Variants in AP3D1 observed in about 807,000 individuals in gnomAD.
AP3D1 encodes AP-3 complex subunit delta-1.
A neutral mutation model predicts 147.6 loss-of-function variants in AP3D1; 51 were observed. The observed-to-expected ratio is 0.35, with a 90% CI of 0.28 to 0.44. The LOEUF (loss-of-function observed/expected upper bound fraction) is 0.44, where lower values mean the gene tolerates loss of function less well. AP3D1 is among the 20% of genes least tolerant of loss of function. The pLI, the probability that AP3D1 is intolerant of heterozygous loss-of-function variation, is 1.00. For synonymous variants in AP3D1, 760 were observed against 663.0 expected, an observed-to-expected ratio of 1.15 and a Z score of -2.25; for missense variants, 1,421 against 1,624.2, an observed-to-expected ratio of 0.87 and a Z score of 2.15.
intron 16 of AP3D1, 46 bp from the exon 17 acceptor site, chr19:2,116,792 C>A (rs145112841): frequency 3.2e-6 from 5 of 1,552,736 alleles, no homozygotes; most frequent in Non-Finnish European, 3.5e-6. Context: ...TGACCGAGCA[C>A]GCGCCTGCAG....
intron 24 of AP3D1, chr19:2,112,583 G>A (rs533601328): frequency 2.3e-5 from 8 of 355,220 alleles, no homozygotes; most frequent in African/African-American, 1.5e-4. Context: ...CTAGACAGAG[G>A]TGATGATGGT....
chr19:2,102,342 C>T, intron 31 of AP3D1, 74 bp from the exon 32 acceptor site: 1 of 1,380,260 alleles, frequency 7.2e-7, no homozygotes, highest in Non-Finnish European at 1.0e-6. Flanking sequence ...GTCTGTGATC[C>T]CAGCATTTTG....
chr19:2,153,205 C>T (rs1018953181), upstream of AP3D1, among the ~76,000 whole-genome samples: 8 of 150,926 alleles, frequency 5.3e-5, no homozygotes, highest in African/African-American at 2.0e-4. Flanking sequence ...GAAAGCCCAT[C>T]TCTACTAAAA....
At chr19:2,154,154 G>T (rs932739957), upstream of AP3D1, among the ~76,000 whole-genome samples, 1 of 151,988 alleles carries the variant, frequency 6.6e-6, no homozygotes, top group Non-Finnish European at 1.5e-5. Flanking sequence ...CACCATGTTG[G>T]CCAGGCTGGC....
At chr19:2,123,913 G>C in intron 9 of AP3D1, 34 bp from the exon 10 acceptor site, 17 of 1,560,514 alleles carry the variant, frequency 1.1e-5, no homozygotes, top group Non-Finnish European at 1.4e-5. Flanking sequence ...ACCACGGTCA[G>C]CACCATGGCC....
intron 26 of AP3D1, 132 bp from the exon 27 acceptor site, chr19:2,111,028 C>T: frequency 9.1e-7 from 1 of 1,093,776 alleles, no homozygotes; most frequent in Non-Finnish European, 1.3e-6. Context: ...AGGGGCGCCC[C>T]CTAGCCGCAG....
intron 31 of AP3D1, among the ~76,000 whole-genome samples, chr19:2,106,682 A>G (rs545879442): frequency 6.6e-6 from 1 of 152,372 alleles, no homozygotes; most frequent in South Asian, 2.1e-4. Context: ...GTGGACACAC[A>G]GCATGGTCCA....
In AP3D1 at chr19:2,115,175, GGAAA is replaced by G. The variant is rs150972233; in HGVS notation, c.2349+40_2349+43del. ...GCATGGCCCCAGGACACACACATGC[GGAAA>G]GATAGACATCCTAGGACCGGGACCT... On this transcript the variant is annotated intron_variant, in intron 20 of 31. Transcript: ENST00000643116. The G allele has an allele frequency of 1.3e-4, 206 of 1,578,354 alleles. No homozygotes were observed. The African/African-American group carries it at 2.4e-3, about 18-fold the overall frequency.
intron 4 of AP3D1, among the ~76,000 whole-genome samples, chr19:2,134,081 G>A (rs1267036141): frequency 6.6e-6 from 1 of 151,986 alleles, no homozygotes; most frequent in African/African-American, 2.4e-5. Flanking sequence ...GATGGCGACA[G>A]AGTGAGACTC....
chr19:2,126,478 AC>A (rs1490739740), intron 9 of AP3D1, among the ~76,000 whole-genome samples: 5 of 151,748 alleles, frequency 3.3e-5, no homozygotes, highest in Non-Finnish European at 7.4e-5. Context: ...ATGTAGTGAA[AC>A]CCCGTGTCTA....
At chr19:2,126,607 T>C (rs1219803899) in intron 9 of AP3D1, among the ~76,000 whole-genome samples, 12 of 144,424 alleles carry the variant, frequency 8.3e-5, no homozygotes, top group Non-Finnish European at 1.6e-4. Context: ...TAAGCCAAGT[T>C]GCGCCACTGC....
intron 24 of AP3D1, chr19:2,112,655 T>A (rs920710623): frequency 7.5e-6 from 4 of 534,822 alleles, no homozygotes; most frequent in Non-Finnish European, 1.3e-5. Context: ...ATAAACTCTA[T>A]GAGACTTATG....
chr19:2,132,006 G>A (rs1056106263), intron 5 of AP3D1, among the ~76,000 whole-genome samples: 1 of 152,228 alleles, frequency 6.6e-6, no homozygotes, highest in Non-Finnish European at 1.5e-5. Flanking sequence ...TGGAGGTTAA[G>A]TCAGGCACAA....
At chr19:2,151,204 C>A (rs1250206643) in intron 1 of AP3D1, 35 bp downstream of exon 1, 2 of 1,590,376 alleles carry the variant, frequency 1.3e-6, no homozygotes, top group East Asian at 2.3e-5. Flanking sequence ...GGGGCTGTGA[C>A]CAGGCCGAGC....
At chr19:2,127,824 G>A (rs114367451) in intron 8 of AP3D1, among the ~76,000 whole-genome samples, 1 of 152,208 alleles carries the variant, frequency 6.6e-6, no homozygotes, top group African/African-American at 2.4e-5. Context: ...ACAGCTCCCA[G>A]CCCTTTTCGG....
chr19:2,130,266 C>T (rs552332301), intron 6 of AP3D1, 142 bp downstream of exon 6: 2 of 1,336,780 alleles, frequency 1.5e-6, no homozygotes, highest in South Asian at 1.4e-5. Context: ...AAGGGGAGGC[C>T]CAGCCACCTC....
At chr19:2,112,686 G>C in intron 24 of AP3D1, 174 bp downstream of exon 24, 1 of 561,238 alleles carries the variant, frequency 1.8e-6, no homozygotes, top group Non-Finnish European at 3.1e-6. Context: ...GAATAAGAAG[G>C]TTATTAAAAA....
At chr19:2,106,800 CA>C (rs1204111049) in intron 31 of AP3D1, among the ~76,000 whole-genome samples, 1 of 152,108 alleles carries the variant, frequency 6.6e-6, no homozygotes, top group Admixed American at 6.6e-5. Flanking sequence ...CAGCCAGACA[CA>C]GAAGGATACA....
At chr19:2,103,631 G>C (rs1481196704) in intron 31 of AP3D1, among the ~76,000 whole-genome samples, 1 of 152,204 alleles carries the variant, frequency 6.6e-6, no homozygotes, top group African/African-American at 2.4e-5. Flanking sequence ...GGGACAAGAG[G>C]CAGCACTGAC....
Sources: allele counts gnomAD v4.1 joint callset (sites outside exome capture counted in the v4.1 genomes callset), GRCh38; gene constraint gnomAD v4.1.1; transcripts MANE v1.5; gene names NCBI Gene and HGNC (gene_info 2026-07-23, HGNC 2026-07-21).